The following BCORL1 variants were observed in gnomAD, a reference collection of about 807,000 sequenced individuals.
BCORL1 encodes BCL-6 corepressor-like protein 1.
A neutral mutation model predicts 87.6 loss-of-function variants in BCORL1; 7 were observed. The observed-to-expected ratio is 0.08, with a 90% CI of 0.05 to 0.15. BCORL1 has a LOEUF of 0.15. Among genes scored for constraint, BCORL1 ranks in the 10% least tolerant of loss-of-function variants. The pLI is 1.00. For synonymous variants in BCORL1, 591 were observed against 634.4 expected (o/e 0.93, Z 1.03); for missense variants, 1,215 against 1,499.7 (o/e 0.81, Z 3.13).
At chrX:130,035,756 C>G (rs1450295046) in intron 9 of BCORL1, among the ~76,000 whole-genome samples, 1 of 112,498 alleles carries the variant, frequency 8.9e-6, no homozygotes, top group Non-Finnish European at 1.9e-5. Flanking sequence ...TGGGCAAAAC[C>G]AGCCAACAGG....
At position 130,013,652 on chromosome X, in the gene BCORL1, C is replaced by T; in HGVS notation, c.880C>T (p.Pro294Ser). ...PVPASAPPSG[P>S]VPLSAPAPAP... ...GCCAGCTTCTGCTCCCCCTTCAGGCCCGGTTCCCTTGTCGGCTCCAGCTCC... is the reference window on the plus strand; with the variant it reads ...GCCAGCTTCTGCTCCCCCTTCAGGCTCGGTTCCCTTGTCGGCTCCAGCTCC... The change falls in exon 4 of 14, where the codon CCG becomes TCG. Residue 294 changes from proline to serine, a missense_variant. Around this residue, in one of 5 missense-constraint regions of BCORL1, gnomAD observed 861 missense variants for 1,010.0 expected, o/e 0.85. Transcript: ENST00000540052. 1.7e-6 allele frequency: 2 copies of T among 1,211,586 alleles called. No individual in the cohort carries two copies. Among genetic ancestry groups the T allele is most frequent in the South Asian group, 3.5e-5 (2 of 56,989 alleles).
intron 11 of BCORL1, among the ~76,000 whole-genome samples, chrX:130,047,363 A>G (rs1931817435): frequency 9.0e-6 from 1 of 111,418 alleles, no homozygotes; most frequent in Non-Finnish European, 1.9e-5. Context: ...CTTCATCTGG[A>G]CTGTATGTGA....
rs778999977 is a variant in BCORL1 at position 130,054,682 on chromosome X, C to T, written c.5076-1172C>T. Reference sequence around the variant, plus strand: ...ATCCCAGCGCTTTGGGAGGCTGAGGCGGGTGGATCATTTGACGTCAGGAGT... The same window carrying T: ...ATCCCAGCGCTTTGGGAGGCTGAGGTGGGTGGATCATTTGACGTCAGGAGT... On this transcript the variant is annotated intron_variant, in intron 13 of 13. Transcript: ENST00000540052. Among the ~76,000 whole-genome samples, 10 of 110,458 alleles carry T rather than the reference C, an allele frequency of 9.1e-5. No homozygotes were observed. The South Asian group carries it at 1.1e-3, about 13-fold the overall frequency.
At chrX:130,009,066 G>A (rs757951751) in intron 2 of BCORL1, among the ~76,000 whole-genome samples, 6 of 112,076 alleles carry the variant, frequency 5.4e-5, no homozygotes, top group Admixed American at 9.5e-5. Context: ...CAAACCTCCT[G>A]GTGGGAGAAT....
At chrX:130,028,066 C>A (rs1280948856) in intron 7 of BCORL1, among the ~76,000 whole-genome samples, 2 of 112,364 alleles carry the variant, frequency 1.8e-5, no homozygotes, top group African/African-American at 6.5e-5. Context: ...CCCTTGACTG[C>A]CAGCTAGGTA....
intron 8 of BCORL1, among the ~76,000 whole-genome samples, chrX:130,032,649 C>T (rs189987560): frequency 2.6e-3 from 294 of 111,685 alleles, no homozygotes; most frequent in Non-Finnish European, 4.5e-3. Flanking sequence ...TCCTGTCCCT[C>T]CCACATGCAA....
At chrX:130,055,458 C>T (rs778385442) in intron 13 of BCORL1, among the ~76,000 whole-genome samples, 1 of 112,534 alleles carries the variant, frequency 8.9e-6, no homozygotes, top group Admixed American at 9.4e-5. Flanking sequence ...TTGGCAGGGG[C>T]GGGAGTCGGA....
chrX:130,041,650 G>A lies in BCORL1; in HGVS notation c.4840+2368G>A, dbSNP rs189471082. Reference sequence around the variant, plus strand: ...GAGAAGACTTTTATTTTTTTTAGGCGGAGTCTTGCTCTGTCGCCAAGGCTC... The same window carrying A: ...GAGAAGACTTTTATTTTTTTTAGGCAGAGTCTTGCTCTGTCGCCAAGGCTC... On this transcript the variant is annotated intron_variant, in intron 11 of 13. Transcript: ENST00000540052. Among the ~76,000 whole-genome samples the A allele has an allele frequency of 1.1e-4, 12 of 110,821 alleles. No homozygotes were observed. In the East Asian group the frequency reaches 2.8e-3, roughly 26 times the overall value.
At position 130,005,252 on chromosome X, in the gene BCORL1, C is replaced by T. The variant is rs777972699; in HGVS notation, c.21C>T (p.Leu7=). Residue 7 remains leucine, a synonymous_variant, in exon 2 of 14, where the codon CTC becomes CTT. Coordinates refer to ENST00000540052, the MANE Select transcript of BCORL1 (RefSeq NM_001379451.1). ...CTGTCATGATCTCTACAGCACCGCT[C>T]TACAGCGGCGTGCACAACTGGACCA... MISTAP[L]YSGVHNWTSS... 3 of 1,211,757 alleles carry T rather than the reference C, an allele frequency of 2.5e-6. No homozygotes were observed. Among genetic ancestry groups the T allele is most frequent in the Admixed American group, 4.3e-5 (2 of 46,063 alleles).
chrX:130,046,879 CCA>C (rs1445646367), intron 11 of BCORL1, among the ~76,000 whole-genome samples: 1 of 110,195 alleles, frequency 9.1e-6, no homozygotes, highest in Non-Finnish European at 1.9e-5. Flanking sequence ...AAATAAAACC[CCA>C]CACCCATTAA....
chrX:130,003,608 T>A (rs1378898636), intron 1 of BCORL1, among the ~76,000 whole-genome samples: 7 of 111,355 alleles, frequency 6.3e-5, no homozygotes, highest in African/African-American at 2.3e-4. Flanking sequence ...CGAACTCAGG[T>A]GATCCACCTG....
In BCORL1 at chrX:130,015,753, A is replaced by G; in HGVS notation, c.2981A>G (p.Glu994Gly). 8.3e-7 allele frequency: 1 copy of G among 1,211,818 alleles called. No individual in the cohort carries two copies. The highest frequency in any genetic ancestry group is 1.1e-6 in the Non-Finnish European group (1 of 895,507). ...NQVLATYMSH[E>G]LVLATPQNLP... is the part of the protein sequence containing the mutation. Reference sequence around the variant, plus strand: ...GTGCTGGCCACCTACATGTCCCATGAGCTGGTCCTGGCCACCCCCCAGAAC... The same window carrying G: ...GTGCTGGCCACCTACATGTCCCATGGGCTGGTCCTGGCCACCCCCCAGAAC... The change falls in exon 4 of 14, where the codon GAG (glutamate) becomes GGG (glycine). Residue 994 changes from glutamate to glycine, a missense_variant. Physicochemically the swap from Glu to Gly is moderately conservative, Grantham distance 98. This residue lies in a region of BCORL1 where 861 missense variants were observed against 1,010.0 expected (regional missense o/e 0.85). Coordinates refer to ENST00000540052, the MANE Select transcript of BCORL1 (RefSeq NM_001379451.1).
chrX:130,035,126 A>C lies in BCORL1; in HGVS notation c.4527+450A>C, dbSNP rs188459431. ...TTATACTACTACCCTATAGATTAGA[A>C]AGAAGGCAAGAAAGGAAGCTGGCAT... is the stretch of plus-strand genomic sequence containing the variant. On this transcript the variant is annotated intron_variant, in intron 9 of 13. Transcript: ENST00000540052. Among the ~76,000 whole-genome samples, 8 of 111,809 alleles carry C rather than the reference A, an allele frequency of 7.2e-5. No individual in the cohort carries two copies. In the East Asian group the frequency reaches 1.7e-3, roughly 24 times the overall value.
chrX:130,028,560 C>A, intron 7 of BCORL1, 75 bp from the exon 8 acceptor site: 2 of 900,548 alleles, frequency 2.2e-6, no homozygotes, highest in Non-Finnish European at 3.2e-6. Context: ...TCCTCTGATT[C>A]ATCTTAGAGG....
chrX:129,990,008 A>G (rs1926980074), intron 1 of BCORL1, among the ~76,000 whole-genome samples: 1 of 109,069 alleles, frequency 9.2e-6, no homozygotes. Context: ...CTGGTCTCGA[A>G]CTCCTGACCT....
chrX:129,988,887 C>T (rs1030071118), intron 1 of BCORL1, among the ~76,000 whole-genome samples: 6 of 111,497 alleles, frequency 5.4e-5, no homozygotes, highest in Non-Finnish European at 9.4e-5. Flanking sequence ...AGAAGTGCAC[C>T]GTATATGACT....
At chrX:129,998,141 C>A (rs1003837851) in intron 1 of BCORL1, among the ~76,000 whole-genome samples, 1 of 110,808 alleles carries the variant, frequency 9.0e-6, no homozygotes, top group African/African-American at 3.3e-5. Flanking sequence ...GGTTCCTCTG[C>A]CTTCCAGGCA....
At chrX:130,037,619 A>G in intron 10 of BCORL1, 86 bp downstream of exon 10, 1 of 1,070,616 alleles carries the variant, frequency 9.3e-7, no homozygotes, top group Non-Finnish European at 1.3e-6. Context: ...GCTGGCAGGC[A>G]TGGTGGCTCA....
intron 13 of BCORL1, 109 bp downstream of exon 13, chrX:130,052,125 C>A: frequency 1.2e-6 from 1 of 831,828 alleles, no homozygotes; most frequent in Non-Finnish European, 1.7e-6. Context: ...TGCCATCACA[C>A]ATGACAAAGG....
Sources: allele counts gnomAD v4.1 joint callset (sites outside exome capture counted in the v4.1 genomes callset), GRCh38; gene constraint gnomAD v4.1.1; regional missense constraint gnomAD v4.1.1; transcripts MANE v1.5; gene names NCBI Gene and HGNC (gene_info 2026-07-23, HGNC 2026-07-21).